ZMIZ1: variants seen among roughly 807,000 people sequenced by gnomAD.
The protein encoded by ZMIZ1 is zinc finger MIZ domain-containing protein 1.
Under a neutral mutation model 113.9 loss-of-function variants are expected in ZMIZ1, and 17 were observed. That is an observed-to-expected ratio of 0.15 (90% CI 0.10 to 0.22). The LOEUF is 0.22. Ranked by LOEUF, ZMIZ1 falls within the 10% of genes least tolerant of loss-of-function variation. The pLI is 1.00. For missense variants in ZMIZ1, 1,059 were observed against 1,477.8 expected, an observed-to-expected ratio of 0.72 and a Z score of 4.65; for synonymous variants, 607 against 603.1, an observed-to-expected ratio of 1.01 and a Z score of -0.09.
At chr10:79,209,741 C>G (rs904322940) in intron 6 of ZMIZ1, among the ~76,000 whole-genome samples, 6 of 152,274 alleles carry the variant, frequency 3.9e-5, no homozygotes, top group African/African-American at 1.4e-4. Context: ...ACCAAATCCC[C>G]TCAGTGAGCT....
At chr10:79,255,702 C>G (rs1850848066) in intron 7 of ZMIZ1, among the ~76,000 whole-genome samples, 1 of 152,168 alleles carries the variant, frequency 6.6e-6, no homozygotes, top group Admixed American at 6.5e-5. Flanking sequence ...CCGCCACCCC[C>G]CACATTGAGT....
intron 4 of ZMIZ1, among the ~76,000 whole-genome samples, chr10:79,177,688 A>T (rs1334545025): frequency 6.6e-6 from 1 of 152,202 alleles, no homozygotes; most frequent in Non-Finnish European, 1.5e-5. Context: ...ACCCAACATG[A>T]GCTTGACTTT....
chr10:79,187,412 C>T lies in ZMIZ1; in HGVS notation c.-49-14172C>T, dbSNP rs910681633. ...CACTGCCCAGCTGTGTGACCTTGGGCGAGTTGTGTAACCTCTCTGGGCCTC... is the reference window on the plus strand; with the variant it reads ...CACTGCCCAGCTGTGTGACCTTGGGTGAGTTGTGTAACCTCTCTGGGCCTC... On this transcript the variant is annotated intron_variant, in intron 4 of 24. Coordinates refer to ENST00000334512, the MANE Select transcript of ZMIZ1 (RefSeq NM_020338.4). 4.6e-5 allele frequency among the ~76,000 whole-genome samples: 7 copies of T among 152,220 alleles called. No individual in the cohort carries two copies. In the South Asian group the frequency reaches 1.0e-3, roughly 22 times the overall value.
intron 3 of ZMIZ1, among the ~76,000 whole-genome samples, chr10:79,143,664 A>G (rs703999): frequency 0.059 from 8,931 of 152,226 alleles, 343 homozygotes; most frequent in Non-Finnish European, 0.09. Context: ...CTTCCAGCAT[A>G]ACAGTGAGCA....
chr10:79,137,826 TG>T (rs58837494), intron 2 of ZMIZ1, among the ~76,000 whole-genome samples: 21,611 of 135,182 alleles, frequency 0.16, 3,014 homozygotes, highest in African/African-American at 0.38. Context: ...GGCCCTCGGC[TG>T]GGGGGGGGGT....
chr10:79,271,247 G>A (rs1851933567), intron 7 of ZMIZ1, among the ~76,000 whole-genome samples: 1 of 152,224 alleles, frequency 6.6e-6, no homozygotes, highest in Admixed American at 6.5e-5. Flanking sequence ...AAGCAGAGAT[G>A]CAAAGTCCCA....
At chr10:79,257,400 T>C (rs1250532) in intron 7 of ZMIZ1, among the ~76,000 whole-genome samples, 110,987 of 152,188 alleles carry the variant, frequency 0.73, 40,823 homozygotes, top group East Asian at 0.92. Context: ...CTGCAAAAGC[T>C]TTAGGACTGG....
At chr10:79,221,224 C>T (rs1008439808) in intron 7 of ZMIZ1, among the ~76,000 whole-genome samples, 2 of 152,020 alleles carry the variant, frequency 1.3e-5, no homozygotes, top group Admixed American at 6.5e-5. Context: ...GGCGGTGAGC[C>T]GGCCGTGGTG....
Position 79,289,853 on chromosome 10 carries a change from C to A in ZMIZ1, c.504C>A (p.Thr168=). Residue 168 remains threonine, a synonymous_variant, in exon 9 of 25, where the codon ACC becomes ACA. Coordinates refer to ENST00000334512, the MANE Select transcript of ZMIZ1 (RefSeq NM_020338.4). ...NQPPGSLSVV[T]TVWGVTNTSQ... is the part of the protein sequence containing the mutation. ...CTCCCGGCTCCCTTTCCGTGGTCAC[C>A]ACGGTTTGGGGAGTAACCAACACAT... 6.2e-7 allele frequency: 1 copy of A among 1,614,108 alleles called. No homozygotes were observed. The highest frequency in any genetic ancestry group is 2.2e-5 in the East Asian group (1 of 44,886).
chr10:79,154,969 C>T (rs1845851294), intron 3 of ZMIZ1, among the ~76,000 whole-genome samples: 1 of 152,166 alleles, frequency 6.6e-6, no homozygotes, highest in Non-Finnish European at 1.5e-5. Context: ...TGCATATGGG[C>T]CTAATCTTGT....
At chr10:79,213,363 C>T (rs1250580) in intron 6 of ZMIZ1, among the ~76,000 whole-genome samples, 93,016 of 151,998 alleles carry the variant, frequency 0.61, 28,725 homozygotes, top group Non-Finnish European at 0.65. Context: ...TGATTCAGCT[C>T]ACTCTGCCAT....
At chr10:79,270,831 G>T (rs1564568756) in intron 7 of ZMIZ1, among the ~76,000 whole-genome samples, 4 of 152,138 alleles carry the variant, frequency 2.6e-5, no homozygotes, top group Admixed American at 1.3e-4. Context: ...GCTGGGTCTG[G>T]GTCTTGGGCT....
At chr10:79,111,229 G>A (rs766963157) in intron 1 of ZMIZ1, among the ~76,000 whole-genome samples, 30 of 152,202 alleles carry the variant, frequency 2.0e-4, no homozygotes, top group Non-Finnish European at 4.1e-4. Flanking sequence ...CCCAGGCCAG[G>A]GCAGGGAGGA....
intron 23 of ZMIZ1, 101 bp downstream of exon 23, chr10:79,307,672 G>T: frequency 7.4e-7 from 1 of 1,360,000 alleles, no homozygotes; most frequent in Non-Finnish European, 1.0e-6. Context: ...AGAGGATGAA[G>T]AATTGGGTGT....
At chr10:79,173,291 G>A (rs544284621) in intron 4 of ZMIZ1, among the ~76,000 whole-genome samples, 36 of 152,236 alleles carry the variant, frequency 2.4e-4, no homozygotes, top group Admixed American at 1.9e-3. Context: ...ATTTTTTTGC[G>A]AACTTTTTTC....
At chr10:79,089,451 TTTTGGTCTGGTACAATTGAAGTC>T (rs1842925505) in intron 1 of ZMIZ1, among the ~76,000 whole-genome samples, 2 of 152,090 alleles carry the variant, frequency 1.3e-5, no homozygotes, top group African/African-American at 4.8e-5. Flanking sequence ...TCTAGTTTGG[TTTTGGTCTGGTACAATTGAAGTC>T]TTTGCCTCCT....
chr10:79,195,853 G>A (rs905395419), intron 4 of ZMIZ1, among the ~76,000 whole-genome samples: 1 of 152,220 alleles, frequency 6.6e-6, no homozygotes, highest in Non-Finnish European at 1.5e-5. Flanking sequence ...CAGCCCAGCA[G>A]CTTTCCGGCT....
intron 4 of ZMIZ1, among the ~76,000 whole-genome samples, chr10:79,178,421 C>A (rs1158728585): frequency 2.0e-5 from 3 of 152,208 alleles, no homozygotes; most frequent in African/African-American, 4.8e-5. Context: ...ATCACCCCTC[C>A]TATGTTCCTG....
At chr10:79,150,279 C>T (rs1180367762) in intron 3 of ZMIZ1, among the ~76,000 whole-genome samples, 4 of 152,238 alleles carry the variant, frequency 2.6e-5, no homozygotes, top group Non-Finnish European at 5.9e-5. Context: ...CTACGGCTGG[C>T]ACTTCTCCTA....
Sources: gnomAD v4.1 joint callset for allele counts (sites outside exome capture counted in the v4.1 genomes callset) on GRCh38, gnomAD v4.1.1 for gene constraint, MANE v1.5 for transcripts, NCBI Gene and HGNC (gene_info 2026-07-23, HGNC 2026-07-21) for gene names.